CSN3: variants seen among roughly 807,000 people sequenced by gnomAD.
CSN3 encodes the protein casein kappa, also known as kappa-casein.
A neutral mutation model predicts 9.9 loss-of-function variants in CSN3; 7 were observed. That is an observed-to-expected ratio of 0.71 (90% CI 0.40 to 1.33). The LOEUF (loss-of-function observed/expected upper bound fraction) is 1.33. Ranked by LOEUF, CSN3 falls within the 40% of genes most tolerant of loss-of-function variation. CSN3 has a pLI of 0.01. For synonymous variants in CSN3, 88 were observed against 82.3 expected, an observed-to-expected ratio of 1.07 and a Z score of -0.37; for missense variants, 253 against 227.9, an observed-to-expected ratio of 1.11 and a Z score of -0.71.
At chr4:70,245,473 T>A (rs1452675166) in intron 2 of CSN3, among the ~76,000 whole-genome samples, 2 of 152,198 alleles carry the variant, frequency 1.3e-5, no homozygotes, top group African/African-American at 4.8e-5. Flanking sequence ...TTGCAGGCAT[T>A]ATCTTGAATT....
intron 2 of CSN3, among the ~76,000 whole-genome samples, chr4:70,246,797 A>G (rs1345583356): frequency 1.3e-5 from 2 of 150,770 alleles, no homozygotes; most frequent in African/African-American, 4.9e-5. Flanking sequence ...TCAGCCTCCC[A>G]AGTAGCTGGG....
At chr4:70,244,841 G>C (rs762142502) in exon 2 of CSN3, 3 of 1,563,798 alleles carry the variant, frequency 1.9e-6, no homozygotes, top group Middle Eastern at 1.7e-4. Context: ...TCTTCTAGTT[G>C]TCAATGCCCT....
At chr4:70,247,705 TA>T in intron 2 of CSN3, 112 bp from the exon 3 acceptor site, 1 of 918,276 alleles carries the variant, frequency 1.1e-6, no homozygotes, top group South Asian at 1.7e-5. Flanking sequence ...TTTTAAAAAA[TA>T]AAAAGAAAAC....
chr4:70,246,671 C>CTTTTTTTTTTTT (rs11293109), intron 2 of CSN3, among the ~76,000 whole-genome samples: 1 of 125,472 alleles, frequency 8.0e-6, no homozygotes, highest in African/African-American at 3.0e-5. Flanking sequence ...CATATTACTT[C>CTTTTTTTTTTTT]TTTTTTTTTT....
rs1220105599 is a variant in CSN3 at position 70,246,750 on chromosome 4, C to T, written c.55-1068C>T. Among the ~76,000 whole-genome samples, 3 of 149,306 alleles carry T rather than the reference C, an allele frequency of 2.0e-5. No homozygotes were observed. The Admixed American group carries it at 2.0e-4, about 10-fold the overall frequency. On this transcript the variant is annotated intron_variant, in intron 2 of 4. Transcript: ENST00000304954. ...GCAGTGGCACAATCTTGGCTTACTGCAACCTCTGCTTCCCAGGTTTAAGCG... is the reference window on the plus strand; with the variant it reads ...GCAGTGGCACAATCTTGGCTTACTGTAACCTCTGCTTCCCAGGTTTAAGCG...
At chr4:70,241,254 C>A (rs926423324), upstream of CSN3, among the ~76,000 whole-genome samples, 9 of 151,864 alleles carry the variant, frequency 5.9e-5, no homozygotes, top group African/African-American at 2.2e-4. Flanking sequence ...ATTACTTTAC[C>A]AACTTGGTTT....
chr4:70,247,856 T>A lies in CSN3; in HGVS notation c.87+6T>A, dbSNP rs200728765. 18 of 1,595,570 alleles carry A rather than the reference T, an allele frequency of 1.1e-5. No individual in the cohort carries two copies. In the East Asian group the frequency reaches 3.6e-4, roughly 32 times the overall value. On this transcript the variant is annotated splice_donor_region_variant and intron_variant, in intron 3 of 4. Coordinates refer to ENST00000304954, the Ensembl canonical transcript of CSN3. ...AAAACCAGAAACAACCAGCAGTAAGTCTATTTTAATTACTTCTGTTACAGG... is the reference window on the plus strand; with the variant it reads ...AAAACCAGAAACAACCAGCAGTAAGACTATTTTAATTACTTCTGTTACAGG...
upstream of CSN3, among the ~76,000 whole-genome samples, chr4:70,240,227 A>G (rs909414680): frequency 4.6e-5 from 7 of 152,004 alleles, no homozygotes; most frequent in Admixed American, 1.3e-4. Context: ...TCATTATGTC[A>G]CTTATTGCAA....
At chr4:70,239,146 C>A (rs752415933), upstream of CSN3, among the ~76,000 whole-genome samples, 1 of 151,438 alleles carries the variant, frequency 6.6e-6, no homozygotes, top group African/African-American at 2.4e-5. Context: ...TTTAAAAGTT[C>A]TCCTAAATTT....
At chr4:70,243,295 A>T (rs1484352073) in intron 1 of CSN3, 2 of 270,046 alleles carry the variant, frequency 7.4e-6, no homozygotes, top group Non-Finnish European at 5.7e-6. Flanking sequence ...GTGTGAACTG[A>T]TAAGGGGTCT....
upstream of CSN3, among the ~76,000 whole-genome samples, chr4:70,241,456 C>T (rs764269731): frequency 5.3e-5 from 8 of 152,002 alleles, no homozygotes; most frequent in Non-Finnish European, 1.2e-4. Context: ...AACTACAATG[C>T]TGATATTATT....
upstream of CSN3, among the ~76,000 whole-genome samples, chr4:70,238,971 G>A (rs760731264): frequency 1.3e-5 from 2 of 151,758 alleles, no homozygotes; most frequent in African/African-American, 2.4e-5. Context: ...TATTTTACGT[G>A]CAAATAGAGA....
exon 4 of CSN3, chr4:70,249,428 C>A: frequency 6.2e-7 from 1 of 1,613,876 alleles, no homozygotes; most frequent in Non-Finnish European, 8.5e-7. Context: ...CCTGAGACAA[C>A]CACAGTTGCA....
chr4:70,244,906 A>T (rs1350208218), intron 2 of CSN3, 33 bp downstream of exon 2: 1 of 1,400,840 alleles, frequency 7.1e-7, no homozygotes, highest in Non-Finnish European at 9.6e-7. Flanking sequence ...GATTGTACTG[A>T]CTTTAAGAAA....
At chr4:70,245,905 G>A (rs1730367295) in intron 2 of CSN3, among the ~76,000 whole-genome samples, 1 of 152,044 alleles carries the variant, frequency 6.6e-6, no homozygotes, top group African/African-American at 2.4e-5. Context: ...TGGAACTTAG[G>A]TTGTCTCTTT....
exon 4 of CSN3, chr4:70,249,298 A>G: frequency 6.2e-7 from 1 of 1,614,106 alleles, no homozygotes; most frequent in Non-Finnish European, 8.5e-7. Context: ...GGATAAAATA[A>G]TCATCCCTAC....
At chr4:70,249,270 C>T (rs775548973) in exon 4 of CSN3, 7 of 1,613,906 alleles carry the variant, frequency 4.3e-6, no homozygotes, top group Non-Finnish European at 1.7e-6. Context: ...TTATTGCCAT[C>T]CCCCCAAAGA....
chr4:70,244,890 TA>T lies in CSN3; in HGVS notation c.54+19del. On this transcript the variant is annotated intron_variant, in intron 2 of 4. Transcript: ENST00000304954. ...CCTTTTTTGGTAAGTTAATTTCATC[TA>T]ACCAGATTGTACTGACTTTAAGAAA... 1 of 1,536,854 alleles carries T rather than the reference TA, an allele frequency of 6.5e-7. No homozygotes were observed.
intron 2 of CSN3, among the ~76,000 whole-genome samples, chr4:70,245,965 C>A (rs1222530969): frequency 6.6e-6 from 1 of 152,128 alleles, no homozygotes; most frequent in Admixed American, 6.6e-5. Context: ...CAAATCCCTG[C>A]TGCATAGCAA....
Sources: allele counts gnomAD v4.1 joint callset (sites outside exome capture counted in the v4.1 genomes callset), GRCh38; gene constraint gnomAD v4.1.1; transcripts MANE v1.5; gene names NCBI Gene and HGNC (gene_info 2026-07-23, HGNC 2026-07-21).